The following DAW1 variants were observed in gnomAD, a reference collection of about 807,000 sequenced individuals.
DAW1 encodes dynein assembly factor with WD repeat domains 1.
A neutral mutation model predicts 56.5 loss-of-function variants in DAW1; 47 were observed. The observed-to-expected ratio is 0.83, with a 90% CI of 0.66 to 1.06. The LOEUF (loss-of-function observed/expected upper bound fraction) is 1.06, where lower values mean the gene tolerates loss of function less well. Ranked by LOEUF, DAW1 falls within the 50% of genes least tolerant of loss-of-function variation. The probability of loss-of-function intolerance (pLI) is 0.00; values close to 1 mark genes in which losing one functional copy is unlikely to be tolerated. For missense variants in DAW1, 505 were observed against 499.3 expected (o/e 1.01, Z -0.11); for synonymous variants, 190 against 179.0 (o/e 1.06, Z -0.49).
At chr2:227,881,924 G>A (rs568928156) in intron 1 of DAW1, among the ~76,000 whole-genome samples, 26 of 151,948 alleles carry the variant, frequency 1.7e-4, no homozygotes, top group African/African-American at 4.8e-4. Flanking sequence ...GCTAATTTCT[G>A]TATTTTTATT....
chr2:227,907,605 T>G (rs1358822427), intron 10 of DAW1, among the ~76,000 whole-genome samples: 2 of 152,208 alleles, frequency 1.3e-5, no homozygotes, highest in African/African-American at 4.8e-5. Flanking sequence ...TGCAGTGCAG[T>G]GGTGCGATCT....
intron 5 of DAW1, among the ~76,000 whole-genome samples, chr2:227,895,934 T>G (rs1243850315): frequency 6.6e-6 from 1 of 152,150 alleles, no homozygotes; most frequent in Non-Finnish European, 1.5e-5. Flanking sequence ...ACTCATTGCT[T>G]GGGAAGGGGC....
chr2:227,918,365 C>A (rs1468546966), intron 10 of DAW1, among the ~76,000 whole-genome samples: 1 of 152,202 alleles, frequency 6.6e-6, no homozygotes, highest in East Asian at 1.9e-4. Flanking sequence ...GCGGCTGATG[C>A]TCCTTCTTGG....
chr2:227,889,931 C>T lies in DAW1; in HGVS notation c.189C>T (p.Val63=), dbSNP rs201430833. 2.5e-6 allele frequency: 4 copies of T among 1,609,136 alleles called. No homozygotes were observed. Among genetic ancestry groups the T allele is most frequent in the Non-Finnish European group, 3.4e-6 (4 of 1,178,282 alleles). The change falls in exon 3 of 13, where the codon GTC becomes GTT. Residue 63 remains valine (V), a synonymous_variant. Coordinates refer to ENST00000309931, the MANE Select transcript of DAW1 (RefSeq NM_178821.3). ...TCACAGCTTCACGAACAGAGCAAGTCAAACTTTTGATACAGAGGTTGCAAG... is the reference window on the plus strand; with the variant it reads ...TCACAGCTTCACGAACAGAGCAAGTTAAACTTTTGATACAGAGGTTGCAAG... ...PLLTASRTEQ[V]KLLIQRLQEK... is the part of the protein sequence containing the mutation.
At chr2:227,916,800 C>T (rs897443869) in intron 10 of DAW1, among the ~76,000 whole-genome samples, 2 of 152,104 alleles carry the variant, frequency 1.3e-5, no homozygotes, top group African/African-American at 4.8e-5. Context: ...ACTATGTCTG[C>T]GTTATCTCCT....
chr2:227,920,215 A>G (rs1255745610), intron 11 of DAW1, among the ~76,000 whole-genome samples: 1 of 152,244 alleles, frequency 6.6e-6, no homozygotes, highest in Non-Finnish European at 1.5e-5. Context: ...TTTTAAATGA[A>G]CATATTACTT....
In DAW1 at chr2:227,923,806, C is replaced by T. The variant is rs544047928; in HGVS notation, c.1214-128C>T. On this transcript the variant is annotated intron_variant, in intron 12 of 12. Coordinates refer to ENST00000309931, the MANE Select transcript of DAW1 (RefSeq NM_178821.3). ...GCTGCTCAGAGACTCTGCAGCTAGG[C>T]GCGGAGAACCTAGCCCATTTAGCAA... 207 of 1,054,642 alleles carry T rather than the reference C, an allele frequency of 2.0e-4. No individual in the cohort carries two copies. In the African/African-American group the frequency reaches 2.3e-3, roughly 12 times the overall value. The allele number at this position is 1,054,642 out of a possible 1,614,324, so 65.3% of individuals were successfully genotyped here.
intron 12 of DAW1, 72 bp downstream of exon 12, chr2:227,921,633 AC>A: frequency 6.7e-7 from 1 of 1,498,608 alleles, no homozygotes. Context: ...CTGAATACTA[AC>A]AGGAGTTCAT....
chr2:227,888,376 A>G (rs1177002016), intron 2 of DAW1, among the ~76,000 whole-genome samples: 1 of 152,252 alleles, frequency 6.6e-6, no homozygotes, highest in Non-Finnish European at 1.5e-5. Context: ...CACTTGTGAC[A>G]GTCCAGGGCA....
chr2:227,877,288 G>GAA (rs1690903385), intron 1 of DAW1, among the ~76,000 whole-genome samples: 1 of 152,194 alleles, frequency 6.6e-6, no homozygotes, highest in South Asian at 2.1e-4. Context: ...GAGTAGCTGA[G>GAA]ATTACAGGCA....
intron 9 of DAW1, 129 bp from the exon 10 acceptor site, chr2:227,907,009 T>G: frequency 1.6e-6 from 1 of 608,082 alleles, no homozygotes; most frequent in Non-Finnish European, 2.8e-6. Context: ...CATGCATGAA[T>G]TACACAAGTG....
chr2:227,915,381 A>G (rs576621767), intron 10 of DAW1, among the ~76,000 whole-genome samples: 13 of 152,190 alleles, frequency 8.5e-5, no homozygotes, highest in Admixed American at 5.2e-4. Context: ...AGTACTATGT[A>G]TATGCTATTC....
chr2:227,887,546 A>C (rs918134923), intron 2 of DAW1: 2 of 152,254 alleles, frequency 1.3e-5, no homozygotes, highest in Non-Finnish European at 2.9e-5. Flanking sequence ...CAAGTGGTAC[A>C]GATAAGCTTC....
chr2:227,924,048 A>C lies in DAW1; in HGVS notation c.*80A>C. The C allele has an allele frequency of 6.7e-7, 1 of 1,502,528 alleles. No individual in the cohort carries two copies. The highest frequency in any genetic ancestry group is 1.4e-5 in the African/African-American group (1 of 71,778). 93.1% of individuals were successfully genotyped at this position (1,502,528 alleles called of 1,614,324 possible). Reference sequence around the variant, plus strand: ...AACTTCACAGACAGCAGCTCTCTTAATATTTCTTATACTTTCTCTTTTTCT... The same window carrying C: ...AACTTCACAGACAGCAGCTCTCTTACTATTTCTTATACTTTCTCTTTTTCT... On this transcript the variant is annotated 3_prime_UTR_variant, in exon 13 of 13. Coordinates refer to ENST00000309931, the MANE Select transcript of DAW1 (RefSeq NM_178821.3).
In DAW1 at chr2:227,903,183, A is replaced by T. The variant is rs1233194453; in HGVS notation, c.648+74A>T. ...GTGTTTTTGTTACAAAATGAGCTCT[A>T]AGTTGGAGGTTGTTGAGTTGCTGGT... is the stretch of plus-strand genomic sequence containing the variant. On this transcript the variant is annotated intron_variant, in intron 7 of 12. Transcript: ENST00000309931. 10 of 1,489,136 alleles carry T rather than the reference A, an allele frequency of 6.7e-6. No homozygotes were observed. In the East Asian group the frequency reaches 2.3e-4, roughly 35 times the overall value. The allele number at this position is 1,489,136 out of a possible 1,614,324, so 92.2% of individuals were successfully genotyped here. A position where few individuals can be genotyped will look rare whatever the true frequency, so the allele number is the denominator to read the frequency against.
chr2:227,914,963 A>G (rs568670193), intron 10 of DAW1, among the ~76,000 whole-genome samples: 1 of 152,178 alleles, frequency 6.6e-6, no homozygotes, highest in African/African-American at 2.4e-5. Context: ...CATACTACAT[A>G]TATTGGTACA....
chr2:227,907,290 T>C (rs766883058), intron 10 of DAW1, 38 bp downstream of exon 10: 3 of 1,535,458 alleles, frequency 2.0e-6, no homozygotes, highest in South Asian at 2.3e-5. Flanking sequence ...TTTGGAGAGA[T>C]TTATGCTTTG....
intron 1 of DAW1, among the ~76,000 whole-genome samples, chr2:227,876,821 A>G (rs1690895644): frequency 6.6e-6 from 1 of 152,146 alleles, no homozygotes; most frequent in African/African-American, 2.4e-5. Context: ...GTGGGTGTTG[A>G]CTATGTGCTT....
intron 4 of DAW1, 97 bp from the exon 5 acceptor site, chr2:227,893,698 C>A (rs1691332484): frequency 3.4e-6 from 5 of 1,452,242 alleles, no homozygotes; most frequent in Non-Finnish European, 4.6e-6. Context: ...AAACAAACAG[C>A]ATAATAAATA....
Sources: gnomAD v4.1 joint callset for allele counts (sites outside exome capture counted in the v4.1 genomes callset) on GRCh38, gnomAD v4.1.1 for gene constraint, MANE v1.5 for transcripts, NCBI Gene and HGNC (gene_info 2026-07-23, HGNC 2026-07-21) for gene names.